Variants in MEI1 observed in about 807,000 individuals in gnomAD.
MEI1 encodes the protein meiotic double-stranded break formation protein 1.
MEI1 carries 103 observed loss-of-function variants against 146.2 expected under a neutral mutation model. The observed-to-expected ratio is 0.70, with a 90% CI of 0.60 to 0.83. MEI1 has a LOEUF of 0.83. Among genes scored for constraint, MEI1 ranks in the 40% least tolerant of loss-of-function variants. The pLI, the probability that MEI1 is intolerant of heterozygous loss-of-function variation, is 0.00. For synonymous variants in MEI1, 652 were observed against 628.2 expected (o/e 1.04, Z -0.57); for missense variants, 1,529 against 1,533.0 (o/e 1.00, Z 0.04).
intron 1 of MEI1, among the ~76,000 whole-genome samples, chr22:41,703,030 T>C (rs1450647800): frequency 6.6e-6 from 1 of 152,226 alleles, no homozygotes; most frequent in Non-Finnish European, 1.5e-5. Context: ...TGTTTTTGCT[T>C]TCCTCACCAA....
chr22:41,790,572 T>C (rs906514629), intron 26 of MEI1, among the ~76,000 whole-genome samples: 1 of 151,990 alleles, frequency 6.6e-6, no homozygotes, highest in Non-Finnish European at 1.5e-5. Flanking sequence ...GTTTACATTA[T>C]CTTCTTCCAC....
chr22:41,728,389 G>A (rs576354580), intron 7 of MEI1, among the ~76,000 whole-genome samples: 2 of 152,312 alleles, frequency 1.3e-5, no homozygotes, highest in East Asian at 3.9e-4. Flanking sequence ...AATAAATTGA[G>A]GTTTATAGTA....
At position 41,719,536 on chromosome 22, in the gene MEI1, C is replaced by T. The variant is rs565270821; in HGVS notation, c.733+1262C>T. ...CTACTCTCATGATAACAAACCCACT[C>T]CCATGGTGATGGCATTAATTCATTC... On this transcript the variant is annotated intron_variant, in intron 6 of 30. Coordinates refer to ENST00000401548, the MANE Select transcript of MEI1 (RefSeq NM_152513.4). Among the ~76,000 whole-genome samples the T allele has an allele frequency of 5.3e-5, 8 of 152,306 alleles. No individual in the cohort carries two copies. The East Asian group carries it at 1.4e-3, about 26-fold the overall frequency.
In MEI1 at chr22:41,772,347, A is replaced by G. The variant is rs2075228252; in HGVS notation, c.2544+1386A>G. Reference sequence around the variant, plus strand: ...AGTGATCCTCCTGCCTTAGCCTCCCAAGTAACTAGAATTGGCTGGGCGTGG... The same window carrying G: ...AGTGATCCTCCTGCCTTAGCCTCCCGAGTAACTAGAATTGGCTGGGCGTGG... On this transcript the variant is annotated intron_variant, in intron 20 of 30. Transcript: ENST00000401548. Among the ~76,000 whole-genome samples, 3 of 151,950 alleles carry G rather than the reference A, an allele frequency of 2.0e-5. No homozygotes were observed. The South Asian group carries it at 6.3e-4, about 32-fold the overall frequency.
intron 24 of MEI1, among the ~76,000 whole-genome samples, chr22:41,782,329 G>T (rs2075791920): frequency 6.6e-6 from 1 of 152,174 alleles, no homozygotes; most frequent in Admixed American, 6.6e-5. Context: ...GACCAGACGG[G>T]GAGGCAGAAG....
intron 11 of MEI1, among the ~76,000 whole-genome samples, chr22:41,732,861 AT>A (rs1238558306): frequency 1.3e-5 from 2 of 150,564 alleles, no homozygotes; most frequent in African/African-American, 4.9e-5. Context: ...GCTCACTACA[AT>A]CTCTGCCTCC....
Position 41,784,353 on chromosome 22 carries a change from C to CT in MEI1, c.3103dup (p.Ser1035PhefsTer99). On this transcript the variant is annotated frameshift_variant, in exon 25 of 31. Transcript: ENST00000401548. LOFTEE classifies it high-confidence loss of function. The stretch of plus-strand genomic sequence containing the variant: ...TGCCCTGCCAGGTTCACCAGACACT[C>CT]TCTGTGGAAATGGACCAAGTATTGA... 4 of 1,613,902 alleles carry CT rather than the reference C, an allele frequency of 2.5e-6. No homozygotes were observed. The highest frequency in any genetic ancestry group is 3.4e-6 in the Non-Finnish European group (4 of 1,179,868).
intron 19 of MEI1, among the ~76,000 whole-genome samples, chr22:41,769,683 GC>G (rs2075060560): frequency 6.6e-6 from 1 of 150,976 alleles, no homozygotes; most frequent in Non-Finnish European, 1.5e-5. Context: ...TGTTGGCCAG[GC>G]TGGTCTCAAA....
At chr22:41,778,834 G>T in intron 22 of MEI1, 22 bp downstream of exon 22, 1 of 1,556,218 alleles carries the variant, frequency 6.4e-7, no homozygotes, top group Non-Finnish European at 8.8e-7. Flanking sequence ...GCTTGGGATA[G>T]CGCCCAAGGG....
At chr22:41,751,958 TACTC>T (rs2073784202) in intron 15 of MEI1, among the ~76,000 whole-genome samples, 1 of 151,816 alleles carries the variant, frequency 6.6e-6, no homozygotes, top group Non-Finnish European at 1.5e-5. Context: ...TAGTCCCAGT[TACTC>T]AGGAGGCTGA....
At chr22:41,778,874 C>A in intron 22 of MEI1, 62 bp downstream of exon 22, 1 of 1,165,154 alleles carries the variant, frequency 8.6e-7, no homozygotes, top group Non-Finnish European at 1.3e-6. Flanking sequence ...TGGGTGCTCA[C>A]TAAGTAGGCT....
chr22:41,755,903 C>T (rs1350641226), intron 17 of MEI1, among the ~76,000 whole-genome samples: 4 of 152,064 alleles, frequency 2.6e-5, no homozygotes, highest in East Asian at 1.9e-4. Flanking sequence ...GGACTTGGCC[C>T]TGGCAGGATG....
intron 6 of MEI1, among the ~76,000 whole-genome samples, chr22:41,720,579 A>G (rs567218554): frequency 3.3e-4 from 48 of 144,796 alleles, no homozygotes; most frequent in Non-Finnish European, 6.3e-4. Context: ...CACAGCCTGC[A>G]CTACTATGCC....
At chr22:41,715,633 G>C (rs985288372) in intron 4 of MEI1, among the ~76,000 whole-genome samples, 12 of 151,884 alleles carry the variant, frequency 7.9e-5, no homozygotes, top group Non-Finnish European at 1.5e-4. Context: ...CTGACCTCGT[G>C]ATCCGCCCGC....
chr22:41,732,174 C>G (rs975948036), intron 9 of MEI1, 71 bp from the exon 10 acceptor site: 1 of 1,246,216 alleles, frequency 8.0e-7, no homozygotes, highest in African/African-American at 1.5e-5. Context: ...AGCCTGTCAC[C>G]TCTTCTGGGT....
At chr22:41,717,438 C>A (rs984342654) in intron 5 of MEI1, among the ~76,000 whole-genome samples, 4 of 152,006 alleles carry the variant, frequency 2.6e-5, no homozygotes, top group Non-Finnish European at 4.4e-5. Context: ...GGTGGGATTA[C>A]AGCCATGAGG....
chr22:41,792,762 C>T lies in MEI1; in HGVS notation c.3346-1067C>T, dbSNP rs755562875. On this transcript the variant is annotated intron_variant, in intron 26 of 30. Transcript: ENST00000401548. ...ATGAGTGCCAGCTTCTCCACATTCT[C>T]CTCAACACTTGGTGTTGTCAGTCTT... is the stretch of plus-strand genomic sequence containing the variant. Among the ~76,000 whole-genome samples the T allele has an allele frequency of 3.3e-5, 5 of 152,166 alleles. No homozygotes were observed. The South Asian group carries it at 1.0e-3, about 32-fold the overall frequency.
intron 26 of MEI1, among the ~76,000 whole-genome samples, chr22:41,788,031 G>T (rs2076050920): frequency 6.6e-6 from 1 of 152,064 alleles, no homozygotes; most frequent in Non-Finnish European, 1.5e-5. Context: ...ACCAGTATTT[G>T]TTTTTTTGTT....
In MEI1 at chr22:41,707,161, C is replaced by T. The variant is rs183476358; in HGVS notation, c.349+1607C>T. On this transcript the variant is annotated intron_variant, in intron 3 of 30. Transcript: ENST00000401548. ...GAGGTTGCAGTGAGCTGAGATCGCGCCACTGCACTTCAACTTGGGTGATAC... is the reference window on the plus strand; with the variant it reads ...GAGGTTGCAGTGAGCTGAGATCGCGTCACTGCACTTCAACTTGGGTGATAC... Among the ~76,000 whole-genome samples, 893 of 152,092 alleles carry T rather than the reference C, an allele frequency of 5.9e-3. 28 individuals carry two copies. The highest frequency in any genetic ancestry group is 0.053 in the Admixed American group (808 of 15,248).
Sources: allele counts gnomAD v4.1 joint callset (sites outside exome capture counted in the v4.1 genomes callset), GRCh38; gene constraint gnomAD v4.1.1; transcripts MANE v1.5; gene names NCBI Gene and HGNC (gene_info 2026-07-23, HGNC 2026-07-21).